CENPW: variants seen among roughly 807,000 people sequenced by gnomAD.
CENPW encodes cancer-up-regulated gene 2 protein.
In CENPW, 3 loss-of-function variants were observed where a neutral mutation model predicts 11.1. That is an observed-to-expected ratio of 0.27 (90% CI 0.12 to 0.70). The LOEUF (loss-of-function observed/expected upper bound fraction) is 0.70, where lower values mean the gene tolerates loss of function less well. CENPW is among the 30% of genes least tolerant of loss of function. The pLI is 0.77. For missense variants in CENPW, 100 were observed against 105.6 expected, an observed-to-expected ratio of 0.95 and a Z score of 0.23; for synonymous variants, 38 against 42.0, an observed-to-expected ratio of 0.91 and a Z score of 0.37.
downstream of CENPW, among the ~76,000 whole-genome samples, chr6:126,349,613 A>C (rs1780467888): frequency 6.6e-6 from 1 of 152,204 alleles, no homozygotes; most frequent in East Asian, 1.9e-4. Flanking sequence ...AGATCCATTT[A>C]AGTTGTTACA....
At chr6:126,405,893 G>T in the CENPW span, among the ~76,000 whole-genome samples, 2 of 151,638 alleles carry the variant, frequency 1.3e-5, no homozygotes, top group Non-Finnish European at 2.9e-5. Flanking sequence ...TTTTTTTGTG[G>T]GGGGGGTCTT....
chr6:126,467,705 G>A, the CENPW span, among the ~76,000 whole-genome samples: 1 of 152,138 alleles, frequency 6.6e-6, no homozygotes, highest in Non-Finnish European at 1.5e-5. Context: ...AATAATTTAT[G>A]CAGATACTGC....
chr6:126,358,974 C>CT, the CENPW span, among the ~76,000 whole-genome samples: 149 of 146,212 alleles, frequency 1.0e-3, 1 homozygote, highest in South Asian at 3.7e-3. Flanking sequence ...GTTGGTTTCA[C>CT]TTTTTTTTTT....
At chr6:126,480,684 C>G in the CENPW span, among the ~76,000 whole-genome samples, 1 of 151,970 alleles carries the variant, frequency 6.6e-6, no homozygotes, top group African/African-American at 2.4e-5. Context: ...AGGAATGACT[C>G]TTTTGTGGTA....
the CENPW span, among the ~76,000 whole-genome samples, chr6:126,399,924 A>C: frequency 1.3e-5 from 2 of 151,936 alleles, no homozygotes; most frequent in African/African-American, 4.8e-5. Flanking sequence ...AAGTATTACT[A>C]TTTTATCTAG....
the CENPW span, among the ~76,000 whole-genome samples, chr6:126,366,030 C>T: frequency 6.6e-6 from 1 of 152,110 alleles, no homozygotes; most frequent in Non-Finnish European, 1.5e-5. Flanking sequence ...TTTATCCCTA[C>T]TAGCATTAAA....
chr6:126,391,836 G>A, the CENPW span, among the ~76,000 whole-genome samples: 1 of 151,950 alleles, frequency 6.6e-6, no homozygotes, highest in African/African-American at 2.4e-5. Flanking sequence ...CCATATGTCT[G>A]TTTTTATGCC....
chr6:126,350,074 G>A (rs572511258), downstream of CENPW, among the ~76,000 whole-genome samples: 16 of 152,128 alleles, frequency 1.1e-4, no homozygotes, highest in Non-Finnish European at 1.3e-4. Context: ...GATTTTCCAG[G>A]GTGGCTGTAC....
the CENPW span, among the ~76,000 whole-genome samples, chr6:126,359,143 T>G: frequency 1.3e-5 from 2 of 152,024 alleles, no homozygotes; most frequent in African/African-American, 2.4e-5. Context: ...TTTTCATTAA[T>G]TTCAAAAAAT....
the CENPW span, among the ~76,000 whole-genome samples, chr6:126,478,119 A>G: frequency 2.6e-5 from 4 of 151,936 alleles, no homozygotes; most frequent in African/African-American, 4.8e-5. Context: ...TATACATTTT[A>G]TACAGGATTT....
At chr6:126,481,928 A>C in the CENPW span, among the ~76,000 whole-genome samples, 365 of 152,230 alleles carry the variant, frequency 2.4e-3, 7 homozygotes, top group Middle Eastern at 3.4e-3. Flanking sequence ...TTAGATAACA[A>C]ATGATATTGA....
the CENPW span, among the ~76,000 whole-genome samples, chr6:126,404,816 T>A: frequency 6.6e-6 from 1 of 151,866 alleles, no homozygotes; most frequent in Non-Finnish European, 1.5e-5. Context: ...GAGCTGTATA[T>A]TCAGCTCATT....
intron 2 of CENPW, among the ~76,000 whole-genome samples, chr6:126,348,170 G>A (rs1583956920): frequency 6.6e-6 from 1 of 151,696 alleles, no homozygotes; most frequent in East Asian, 1.9e-4. Context: ...CCATTAATCT[G>A]GACACTTTTG....
the CENPW span, among the ~76,000 whole-genome samples, chr6:126,412,079 C>T: frequency 3.3e-5 from 4 of 121,510 alleles, no homozygotes; most frequent in Non-Finnish European, 7.0e-5. Flanking sequence ...TCCTTTCTCT[C>T]TCTCTCTCTC....
chr6:126,443,420 AC>A, the CENPW span, among the ~76,000 whole-genome samples: 1 of 151,184 alleles, frequency 6.6e-6, no homozygotes, highest in Non-Finnish European at 1.5e-5. Context: ...GGATTTGGAA[AC>A]TTTTTCAAAT....
chr6:126,397,413 A>G, the CENPW span, among the ~76,000 whole-genome samples: 2 of 152,190 alleles, frequency 1.3e-5, no homozygotes, highest in African/African-American at 2.4e-5. Context: ...TTTCCACACC[A>G]TGTGGCTGGT....
chr6:126,346,722 T>C (rs761794045), intron 2 of CENPW, among the ~76,000 whole-genome samples: 3 of 152,166 alleles, frequency 2.0e-5, no homozygotes, highest in Non-Finnish European at 4.4e-5. Flanking sequence ...GAGAACTCAC[T>C]CACTATCAGG....
intron 1 of CENPW, among the ~76,000 whole-genome samples, chr6:126,344,968 ACTAT>A (rs1179938392): frequency 6.6e-6 from 1 of 152,164 alleles, no homozygotes; most frequent in African/African-American, 2.4e-5. Context: ...TGGTAAAGAC[ACTAT>A]CTAATTGGAT....
chr6:126,368,386 G>A, the CENPW span, among the ~76,000 whole-genome samples: 1 of 152,214 alleles, frequency 6.6e-6, no homozygotes, highest in Non-Finnish European at 1.5e-5. Flanking sequence ...AGGAGAAGCA[G>A]ACACCGGGTA....
Sources: allele counts gnomAD v4.1 joint callset (sites outside exome capture counted in the v4.1 genomes callset), GRCh38; gene constraint gnomAD v4.1.1; transcripts MANE v1.5; gene names NCBI Gene and HGNC (gene_info 2026-07-23, HGNC 2026-07-21).